The following GRID2 variants were observed in gnomAD, a reference collection of about 807,000 sequenced individuals.
GRID2 encodes the protein glutamate ionotropic receptor delta type subunit 2, also known as glutamate receptor ionotropic, delta-2.
Under a neutral mutation model 114.8 loss-of-function variants are expected in GRID2, and 33 were observed. The observed-to-expected ratio is 0.29, with a 90% CI of 0.22 to 0.38. The LOEUF (loss-of-function observed/expected upper bound fraction) is 0.38, where lower values mean the gene tolerates loss of function less well. Among genes scored for constraint, GRID2 ranks in the 10% least tolerant of loss-of-function variants. The pLI, the probability that GRID2 is intolerant of heterozygous loss-of-function variation, is 1.00. For missense variants in GRID2, 1,184 were observed against 1,257.7 expected (o/e 0.94, Z 0.89); for synonymous variants, 505 against 449.9 (o/e 1.12, Z -1.55).
intron 10 of GRID2, among the ~76,000 whole-genome samples, chr4:93,446,797 T>C (rs1349311253): frequency 6.6e-6 from 1 of 152,008 alleles, no homozygotes; most frequent in Non-Finnish European, 1.5e-5. Flanking sequence ...TTATGAATCA[T>C]GGACCATCAA....
chr4:92,671,746 A>G (rs1340799273), intron 2 of GRID2, among the ~76,000 whole-genome samples: 2 of 152,190 alleles, frequency 1.3e-5, no homozygotes, highest in Non-Finnish European at 2.9e-5. Flanking sequence ...TGAGAGAGAA[A>G]AAGTGTCCAA....
chr4:92,682,339 T>C (rs1239047873), intron 2 of GRID2, among the ~76,000 whole-genome samples: 1 of 152,182 alleles, frequency 6.6e-6, no homozygotes, highest in African/African-American at 2.4e-5. Context: ...AAGTGTTGAT[T>C]GGTCTAAACC....
intron 4 of GRID2, among the ~76,000 whole-genome samples, chr4:93,206,124 A>G (rs934238811): frequency 2.6e-5 from 4 of 152,038 alleles, no homozygotes; most frequent in African/African-American, 9.7e-5. Flanking sequence ...GAAGTAGATA[A>G]CATATCCTCA....
intron 1 of GRID2, among the ~76,000 whole-genome samples, chr4:93,782,393 A>G (rs902807143): frequency 1.3e-5 from 2 of 152,166 alleles, no homozygotes; most frequent in African/African-American, 4.8e-5. Context: ...AAATCAAATG[A>G]AAGAACCATG....
intron 8 of GRID2, among the ~76,000 whole-genome samples, chr4:93,244,778 T>A (rs113870153): frequency 0.015 from 2,247 of 151,602 alleles, 50 homozygotes; most frequent in African/African-American, 0.05. Flanking sequence ...AAATAGCCAG[T>A]GATTAAATAT....
intron 2 of GRID2, among the ~76,000 whole-genome samples, chr4:92,904,810 T>A (rs1203518379): frequency 6.6e-6 from 1 of 151,994 alleles, no homozygotes; most frequent in African/African-American, 2.4e-5. Flanking sequence ...AACTTTAGAT[T>A]AATGAAGAGG....
chr4:92,641,976 G>T (rs1228361306), intron 2 of GRID2, among the ~76,000 whole-genome samples: 1 of 150,914 alleles, frequency 6.6e-6, no homozygotes, highest in Admixed American at 6.6e-5. Context: ...ATTCTTTTAT[G>T]ACTGTGTAGT....
chr4:93,187,501 C>G (rs773335596), intron 4 of GRID2, among the ~76,000 whole-genome samples: 16 of 152,168 alleles, frequency 1.1e-4, no homozygotes, highest in Non-Finnish European at 2.2e-4. Context: ...GTCTCGACTC[C>G]TGACCTTGTC....
At chr4:92,534,816 C>T (rs556669722) in intron 1 of GRID2, among the ~76,000 whole-genome samples, 1 of 151,964 alleles carries the variant, frequency 6.6e-6, no homozygotes, top group Non-Finnish European at 1.5e-5. Flanking sequence ...TTATTAAAGA[C>T]GTTAATATTA....
chr4:93,039,950 C>G (rs898731811), intron 2 of GRID2, among the ~76,000 whole-genome samples: 1 of 152,166 alleles, frequency 6.6e-6, no homozygotes, highest in African/African-American at 2.4e-5. Context: ...TCCTTTGTAT[C>G]TTAGGTAAGA....
At chr4:93,797,163 C>T (rs1173779051) in intron 1 of GRID2, among the ~76,000 whole-genome samples, 1 of 152,146 alleles carries the variant, frequency 6.6e-6, no homozygotes, top group Non-Finnish European at 1.5e-5. Flanking sequence ...TACAGGACCA[C>T]CATTGTATAT....
At chr4:92,825,064 C>T (rs1403923585) in intron 2 of GRID2, among the ~76,000 whole-genome samples, 5 of 152,000 alleles carry the variant, frequency 3.3e-5, no homozygotes, top group South Asian at 2.1e-4. Context: ...AAAGTACTAA[C>T]ATATATCTGC....
chr4:92,866,921 C>A (rs761919355), intron 2 of GRID2, among the ~76,000 whole-genome samples: 1 of 152,116 alleles, frequency 6.6e-6, no homozygotes, highest in African/African-American at 2.4e-5. Context: ...AGAATGCTAA[C>A]CCCTGGCATT....
chr4:92,704,723 T>TTCTCTC (rs373207037), intron 2 of GRID2, among the ~76,000 whole-genome samples: 3 of 90,100 alleles, frequency 3.3e-5, no homozygotes, highest in East Asian at 4.0e-4. Context: ...CTCTCTCTCT[T>TTCTCTC]TCTCTCTCTC....
At position 93,224,621 on chromosome 4, in the gene GRID2, A is replaced by G. The variant is rs1210053621; in HGVS notation, c.971A>G (p.Asn324Ser). 14 of 1,606,474 alleles carry G rather than the reference A, an allele frequency of 8.7e-6. No homozygotes were observed. Among genetic ancestry groups the G allele is most frequent in the Non-Finnish European group, 1.2e-5 (14 of 1,174,194 alleles). The part of the protein sequence containing the change: ...DPFAQNMEIS[N>S]LYIYDTVLLL... ...TTTCTAATGTCTTTTCAGATTTCCA[A>G]CCTTTACATATATGACACGGTGCTT... The change falls in exon 7 of 16, where the codon AAC becomes AGC. Residue 324 changes from asparagine to serine, a missense_variant. Physicochemically the swap from Asn to Ser is conservative, Grantham distance 46. Coordinates refer to ENST00000282020, the MANE Select transcript of GRID2 (RefSeq NM_001510.4).
At chr4:93,314,530 T>C in intron 8 of GRID2, among the ~76,000 whole-genome samples, 1 of 152,042 alleles carries the variant, frequency 6.6e-6, no homozygotes, top group East Asian at 1.9e-4. Context: ...TTGCCTGAAA[T>C]GTTCTCCCAG....
intron 2 of GRID2, among the ~76,000 whole-genome samples, chr4:92,655,098 C>A (rs1395422952): frequency 3.3e-5 from 5 of 151,924 alleles, no homozygotes; most frequent in Non-Finnish European, 7.4e-5. Flanking sequence ...CAGTCTCATT[C>A]TTCTGCATGT....
At chr4:92,933,164 C>T (rs4693302) in intron 2 of GRID2, among the ~76,000 whole-genome samples, 51,123 of 149,600 alleles carry the variant, frequency 0.34, 9,610 homozygotes, top group Middle Eastern at 0.52. Context: ...TATATATACA[C>T]ATATATATAT....
chr4:92,541,311 GAGTC>G (rs200487967), intron 1 of GRID2, among the ~76,000 whole-genome samples: 2,854 of 149,916 alleles, frequency 0.019, 42 homozygotes, highest in Middle Eastern at 0.038. Context: ...AATAAAATAA[GAGTC>G]AGGAAAAAAA....
Sources: gnomAD v4.1 joint callset for allele counts (sites outside exome capture counted in the v4.1 genomes callset) on GRCh38, gnomAD v4.1.1 for gene constraint, MANE v1.5 for transcripts, NCBI Gene and HGNC (gene_info 2026-07-23, HGNC 2026-07-21) for gene names.